Variants in DZIP3 observed in about 807,000 individuals in gnomAD.
DZIP3 encodes the protein DAZ interacting zinc finger protein 3, also known as E3 ubiquitin-protein ligase DZIP3.
In DZIP3, 118 loss-of-function variants were observed where a neutral mutation model predicts 162.0. The ratio of observed to expected loss-of-function variants is 0.73; its 90% CI spans 0.63 to 0.85. The LOEUF is 0.85. Ranked by LOEUF, DZIP3 falls within the 40% of genes least tolerant of loss-of-function variation. DZIP3 has a pLI of 0.00. For missense variants in DZIP3, 1,331 were observed against 1,407.0 expected (o/e 0.95, Z 0.86); for synonymous variants, 438 against 458.6 (o/e 0.96, Z 0.57).
At chr3:108,594,282 T>C (rs1939588026) in intron 1 of DZIP3, among the ~76,000 whole-genome samples, 1 of 152,116 alleles carries the variant, frequency 6.6e-6, no homozygotes, top group Non-Finnish European at 1.5e-5. Context: ...TCTTTATTAA[T>C]TTCATCCGTA....
intron 19 of DZIP3, among the ~76,000 whole-genome samples, chr3:108,659,967 C>T (rs1943342691): frequency 6.6e-6 from 1 of 151,892 alleles, no homozygotes; most frequent in Non-Finnish European, 1.5e-5. Flanking sequence ...AACTACAAAC[C>T]ACTGCTCAAC....
chr3:108,686,494 C>T lies in DZIP3; in HGVS notation c.3059C>T (p.Pro1020Leu). 1 of 1,611,672 alleles carries T rather than the reference C, an allele frequency of 6.2e-7. No individual in the cohort carries two copies. Among genetic ancestry groups the T allele is most frequent in the Non-Finnish European group, 8.5e-7 (1 of 1,179,310 alleles). The change falls in exon 28 of 33, where the codon CCT becomes CTT. Residue 1020 changes from proline to leucine, a missense_variant. Physicochemically the swap from Pro to Leu is moderately conservative, Grantham distance 98 (BLOSUM62 -3). Coordinates refer to ENST00000361582, the MANE Select transcript of DZIP3 (RefSeq NM_014648.4). ...CCAGCGCCTGTGGGAGACGCTGTGC[C>T]TCCCAGTGCAGGTCTGCGGAGTGAT... Reference protein sequence around the residue: ...ALPAPVGDAVPPSAGLRSDPS... With the variant: ...ALPAPVGDAVLPSAGLRSDPS...
chr3:108,622,219 C>T (rs1440735505), intron 5 of DZIP3, among the ~76,000 whole-genome samples: 1 of 151,982 alleles, frequency 6.6e-6, no homozygotes, highest in Non-Finnish European at 1.5e-5. Flanking sequence ...ATGATGGTTA[C>T]CAGAGGCTGG....
intron 8 of DZIP3, among the ~76,000 whole-genome samples, chr3:108,630,464 A>G (rs1941780091): frequency 6.6e-6 from 1 of 152,126 alleles, no homozygotes; most frequent in African/African-American, 2.4e-5. Flanking sequence ...ACAAAAACTG[A>G]CAGAATTGAA....
At chr3:108,620,895 C>A (rs1433573858) in intron 5 of DZIP3, among the ~76,000 whole-genome samples, 1 of 152,186 alleles carries the variant, frequency 6.6e-6, no homozygotes, top group Non-Finnish European at 1.5e-5. Context: ...GATCTCGGCT[C>A]ACTGCAACCT....
intron 25 of DZIP3, among the ~76,000 whole-genome samples, chr3:108,676,099 T>G (rs1264932726): frequency 6.6e-6 from 1 of 151,624 alleles, no homozygotes; most frequent in East Asian, 1.9e-4. Context: ...AACTCAAAAA[T>G]TGTGCCCTCA....
At position 108,667,981 on chromosome 3, in the gene DZIP3, C is replaced by T. The variant is rs117696852; in HGVS notation, c.2424-1700C>T. On this transcript the variant is annotated intron_variant, in intron 21 of 32. Transcript: ENST00000361582. ...CATATAAGCTTTTGAACGTTTTCTTCGTTTAATTCATCTGAACATTGCCCA... is the reference window on the plus strand; with the variant it reads ...CATATAAGCTTTTGAACGTTTTCTTTGTTTAATTCATCTGAACATTGCCCA... Among the ~76,000 whole-genome samples, 65 of 152,126 alleles carry T rather than the reference C, an allele frequency of 4.3e-4. No homozygotes were observed. The East Asian group carries it at 9.5e-3, about 22-fold the overall frequency.
At position 108,644,471 on chromosome 3, in the gene DZIP3, C is replaced by G; in HGVS notation, c.1449C>G (p.Pro483=). 4 of 1,613,896 alleles carry G rather than the reference C, an allele frequency of 2.5e-6. No homozygotes were observed. Among genetic ancestry groups the G allele is most frequent in the Non-Finnish European group, 3.4e-6 (4 of 1,179,940 alleles). ...LIKHLNVFPA[P]KKGWNMEPPS... The stretch of plus-strand genomic sequence containing the variant: ...AACATTTAAATGTGTTCCCTGCACC[C>G]AAAAAAGGATGGAATATGGAACCGC... Residue 483 remains proline, a synonymous_variant, in exon 14 of 33, where the codon CCC becomes CCG. Transcript: ENST00000361582.
chr3:108,595,095 G>A (rs1939640566), intron 1 of DZIP3, among the ~76,000 whole-genome samples: 1 of 152,196 alleles, frequency 6.6e-6, no homozygotes, highest in South Asian at 2.1e-4. Flanking sequence ...AATAAGTACT[G>A]TTAAGAGAAA....
At chr3:108,658,373 CCTG>C (rs1410702888) in intron 19 of DZIP3, among the ~76,000 whole-genome samples, 27 of 152,202 alleles carry the variant, frequency 1.8e-4, no homozygotes, top group South Asian at 1.2e-3. Context: ...AACTGAACAA[CCTG>C]CTCCTGAATG....
intron 7 of DZIP3, among the ~76,000 whole-genome samples, chr3:108,628,704 A>G (rs1165610136): frequency 6.6e-6 from 1 of 152,172 alleles, no homozygotes; most frequent in Admixed American, 6.5e-5. Flanking sequence ...GCCCCCATAG[A>G]GGCCTTCTGG....
intron 19 of DZIP3, among the ~76,000 whole-genome samples, chr3:108,657,317 G>C (rs1943179487): frequency 6.6e-6 from 1 of 152,150 alleles, no homozygotes; most frequent in Non-Finnish European, 1.5e-5. Flanking sequence ...AGCCAGAAGA[G>C]AGTGGGGGCC....
intron 1 of DZIP3, among the ~76,000 whole-genome samples, chr3:108,593,286 A>G (rs940393649): frequency 2.6e-5 from 4 of 152,226 alleles, no homozygotes; most frequent in African/African-American, 7.2e-5. Context: ...TGTAGGAACT[A>G]TTATGATTTC....
chr3:108,631,556 AATT>A (rs144310530), intron 8 of DZIP3, among the ~76,000 whole-genome samples: 13 of 146,470 alleles, frequency 8.9e-5, no homozygotes, highest in African/African-American at 2.5e-4. Context: ...TTTTAAAAAA[AATT>A]ATTATTATTA....
chr3:108,639,068 T>C (rs1324132629), intron 12 of DZIP3, among the ~76,000 whole-genome samples: 3 of 152,264 alleles, frequency 2.0e-5, no homozygotes. Flanking sequence ...CAAGCTTTGC[T>C]TGGAATACTC....
At chr3:108,692,601 A>G (rs1944738794) in intron 32 of DZIP3, among the ~76,000 whole-genome samples, 1 of 152,096 alleles carries the variant, frequency 6.6e-6, no homozygotes, top group Non-Finnish European at 1.5e-5. Flanking sequence ...TGTCCTTTAG[A>G]TAAACAGTAA....
At chr3:108,688,965 T>G in intron 31 of DZIP3, 41 bp downstream of exon 31, 2 of 1,532,860 alleles carry the variant, frequency 1.3e-6, no homozygotes, top group African/African-American at 1.4e-5. Flanking sequence ...TAAATGAGAT[T>G]CATACTGCCT....
At chr3:108,639,967 T>A (rs1942317173) in intron 12 of DZIP3, among the ~76,000 whole-genome samples, 1 of 152,098 alleles carries the variant, frequency 6.6e-6, no homozygotes, top group Non-Finnish European at 1.5e-5. Context: ...TTATTATTAA[T>A]ATTTTCAGTG....
chr3:108,625,285 T>C (rs1329977510), intron 6 of DZIP3, among the ~76,000 whole-genome samples: 1 of 152,198 alleles, frequency 6.6e-6, no homozygotes, highest in African/African-American at 2.4e-5. Context: ...AGAGTTTATA[T>C]CTATGGGCAA....
Sources: gnomAD v4.1 joint callset for allele counts (sites outside exome capture counted in the v4.1 genomes callset) on GRCh38, gnomAD v4.1.1 for gene constraint, MANE v1.5 for transcripts, NCBI Gene and HGNC (gene_info 2026-07-23, HGNC 2026-07-21) for gene names.